The following TNS1 variants were observed in gnomAD, a reference collection of about 807,000 sequenced individuals.
TNS1 encodes the protein tensin 1, also known as tensin-1.
TNS1 carries 62 observed loss-of-function variants against 168.6 expected under a neutral mutation model. The ratio of observed to expected loss-of-function variants is 0.37; its 90% confidence interval spans 0.30 to 0.45. The LOEUF is 0.45. TNS1 is among the 20% of genes least tolerant of loss of function. The probability of loss-of-function intolerance (pLI) is 1.00; values close to 1 mark genes in which losing one functional copy is unlikely to be tolerated. For synonymous variants in TNS1, 934 were observed against 933.2 expected (o/e 1.00, Z -0.02); for missense variants, 2,240 against 2,339.4 (o/e 0.96, Z 0.88).
intron 3 of TNS1, among the ~76,000 whole-genome samples, chr2:217,946,656 G>A (rs1364001753): frequency 1.3e-5 from 2 of 152,088 alleles, no homozygotes; most frequent in African/African-American, 4.8e-5. Flanking sequence ...ATTGGGCTGG[G>A]AGACGGGGCG....
At chr2:217,845,582 C>T (rs990649200) in intron 19 of TNS1, among the ~76,000 whole-genome samples, 1 of 152,194 alleles carries the variant, frequency 6.6e-6, no homozygotes, top group African/African-American at 2.4e-5. Context: ...TGAGTCACTC[C>T]CAGTTGATGG....
chr2:218,014,190 G>A (rs1294390831), upstream of TNS1, among the ~76,000 whole-genome samples: 2 of 152,206 alleles, frequency 1.3e-5, no homozygotes, highest in African/African-American at 2.4e-5. Flanking sequence ...TCTGATCGGA[G>A]ACTCCAGCTC....
At chr2:217,884,751 C>A (rs189007780) in intron 16 of TNS1, among the ~76,000 whole-genome samples, 1 of 152,046 alleles carries the variant, frequency 6.6e-6, no homozygotes, top group East Asian at 1.9e-4. Context: ...ACTGGGAGGA[C>A]AAGATGAAGG....
In TNS1 at chr2:217,848,880, G is replaced by C. The variant is rs746714545; in HGVS notation, c.1637C>G (p.Pro546Arg). The C allele has an allele frequency of 1.2e-6, 2 of 1,614,188 alleles. No individual in the cohort carries two copies. Among genetic ancestry groups the C allele is most frequent in the East Asian group, 2.2e-5 (1 of 44,882 alleles). Residue 546 changes from proline to arginine, a missense_variant, in exon 19 of 33, where the codon CCT (proline) becomes CGT (arginine). Pro to Arg is a moderately radical substitution (Grantham distance 103). This residue lies in a region of TNS1 where 2,131 missense variants were observed against 2,171.2 expected (regional missense o/e 0.98). Coordinates refer to ENST00000682258, the MANE Select transcript of TNS1 (RefSeq NM_001387777.1). ...ASTKTDKTDE[P>R]VPGASSATAA... Reference sequence around the variant, plus strand: ...AGTGGCACTGGAGGCCCCGGGGACAGGCTCGTCGGTCTTGTCGGTCTTGGT... The same window carrying C: ...AGTGGCACTGGAGGCCCCGGGGACACGCTCGTCGGTCTTGTCGGTCTTGGT...
rs548238150 is a variant in TNS1, at chr2:217,999,634, G to A, written c.33+3206C>T. ...GCCCAGCCTACCTCCCAAACCCACAGTCAGGAGGCCCTTACAGGTCAACCA... is the reference window on the plus strand; with the variant it reads ...GCCCAGCCTACCTCCCAAACCCACAATCAGGAGGCCCTTACAGGTCAACCA... On this transcript the variant is annotated intron_variant, in intron 1 of 32. Transcript: ENST00000682258. Among the ~76,000 whole-genome samples the A allele has an allele frequency of 2.6e-5, 4 of 152,344 alleles. No individual in the cohort carries two copies. The East Asian group carries it at 7.7e-4, about 29-fold the overall frequency.
chr2:217,872,056 T>C (rs191667660), intron 18 of TNS1, among the ~76,000 whole-genome samples: 56 of 152,396 alleles, frequency 3.7e-4, no homozygotes, highest in Non-Finnish European at 4.9e-4. Context: ...GAAGACTTCG[T>C]TGGACGAAGT....
intron 2 of TNS1, among the ~76,000 whole-genome samples, chr2:217,982,897 C>A (rs1364489402): frequency 6.6e-6 from 1 of 152,162 alleles, no homozygotes; most frequent in Non-Finnish European, 1.5e-5. Flanking sequence ...TTCCTCACTT[C>A]CCTTACCCTA....
At chr2:218,007,566 T>TTG (rs1330361811), upstream of TNS1, among the ~76,000 whole-genome samples, 2 of 74,936 alleles carry the variant, frequency 2.7e-5, no homozygotes, top group Non-Finnish European at 5.3e-5. Context: ...GCTCGGGGGG[T>TTG]GGGGGGGGGG....
rs565450563 is a variant in TNS1 at position 218,030,349 on chromosome 2, C to G, written c.156+3471G>C. On this transcript the variant is annotated intron_variant, in intron 1 of 1. Coordinates refer to the TNS1 transcript ENST00000649572. The stretch of plus-strand genomic sequence containing the variant: ...TGTCACTTCCTTCACCTTCCCGGTG[C>G]AATCCCTCTGGAATCCTCACCCATC... Among the ~76,000 whole-genome samples, 3 of 152,352 alleles carry G rather than the reference C, an allele frequency of 2.0e-5. No individual in the cohort carries two copies. The South Asian group carries it at 6.2e-4, about 32-fold the overall frequency.
intron 18 of TNS1, among the ~76,000 whole-genome samples, chr2:217,869,244 G>A (rs1949554088): frequency 1.3e-5 from 2 of 152,222 alleles, no homozygotes; most frequent in African/African-American, 4.8e-5. Flanking sequence ...AGGCTCCAGG[G>A]AGGATGCCGC....
intron 1 of TNS1, among the ~76,000 whole-genome samples, chr2:218,020,095 G>A (rs1336446543): frequency 6.6e-6 from 1 of 152,066 alleles, no homozygotes; most frequent in Non-Finnish European, 1.5e-5. Context: ...AACAATAAGG[G>A]GTTCCTTTTT....
intron 21 of TNS1, among the ~76,000 whole-genome samples, chr2:217,834,052 A>T (rs978412346): frequency 6.6e-6 from 1 of 152,232 alleles, no homozygotes; most frequent in Non-Finnish European, 1.5e-5. Flanking sequence ...GAGAATTTTA[A>T]ATTATAAATG....
At position 218,027,175 on chromosome 2, in the gene TNS1, TC is replaced by T. The variant is rs1274892595; in HGVS notation, c.156+6644del. Among the ~76,000 whole-genome samples, 3 of 152,008 alleles carry T rather than the reference TC, an allele frequency of 2.0e-5. No homozygotes were observed. In the East Asian group the frequency reaches 5.8e-4, roughly 29 times the overall value. Reference sequence around the variant, plus strand: ...CCATGTGAGGACACCCACCAGCTGCTCCAGTCACCCTACACCCCCCTGTCGT... The same window carrying T: ...CCATGTGAGGACACCCACCAGCTGCTCAGTCACCCTACACCCCCCTGTCGT... On this transcript the variant is annotated intron_variant, in intron 1 of 1. Transcript: ENST00000649572.
Position 217,891,062 on chromosome 2 carries a change from G to A in TNS1, c.783-17C>T. ...TGGTCCGCACTGCAGGGAGAGACAGGTGGTCAAAAGAGGCAACTCCTGCAT... is the reference window on the plus strand; with the variant it reads ...TGGTCCGCACTGCAGGGAGAGACAGATGGTCAAAAGAGGCAACTCCTGCAT... On this transcript the variant is annotated splice_polypyrimidine_tract_variant and intron_variant, in intron 11 of 32. Transcript: ENST00000682258. 1 of 1,613,982 alleles carries A rather than the reference G, an allele frequency of 6.2e-7. No individual in the cohort carries two copies. Among genetic ancestry groups the A allele is most frequent in the Non-Finnish European group, 8.5e-7 (1 of 1,179,936 alleles).
intron 18 of TNS1, among the ~76,000 whole-genome samples, chr2:217,869,630 C>T: frequency 6.6e-6 from 1 of 152,208 alleles, no homozygotes; most frequent in Admixed American, 6.5e-5. Context: ...CAGCCCTCAG[C>T]CAGCCAAGTC....
rs143250363 is a variant in TNS1, at chr2:217,849,259, C to A, written c.1430-172G>T. On this transcript the variant is annotated intron_variant, in intron 18 of 32. Transcript: ENST00000682258. Reference sequence around the variant, plus strand: ...AGGGGAGCTGACAGAAAGACCTCTACCCCAGGCTTTGGGGCAGAGCCTCAC... The same window carrying A: ...AGGGGAGCTGACAGAAAGACCTCTAACCCAGGCTTTGGGGCAGAGCCTCAC... Among the ~76,000 whole-genome samples the A allele has an allele frequency of 1.5e-3, 235 of 152,306 alleles. 5 individuals are homozygous for A. Among genetic ancestry groups the A allele is most frequent in the Admixed American group, 0.014 (208 of 15,294 alleles).
In TNS1 at chr2:217,818,145, A is replaced by G. The variant is rs766905890; in HGVS notation, c.4187T>C (p.Ile1396Thr). The G allele has an allele frequency of 6.2e-6, 10 of 1,613,562 alleles. No individual in the cohort carries two copies. The highest frequency in any genetic ancestry group is 5.3e-5 in the African/African-American group (4 of 74,812). Residue 1396 changes from isoleucine (I) to threonine (T), a missense_variant, in exon 24 of 33, where the codon ATA becomes ACA. By Grantham distance (89) the Ile-to-Thr change is moderately conservative (BLOSUM62 -1). Coordinates refer to ENST00000682258, the MANE Select transcript of TNS1 (RefSeq NM_001387777.1). ...NLASGLHSNA[I>T]ASPGSPSLGR... ...CAGGCTGGGGCTTCCAGGGCTGGCT[A>G]TTGCATTGCTATGAAGACCGGAGGC...
chr2:217,826,388 A>C (rs1440029154), intron 22 of TNS1, among the ~76,000 whole-genome samples: 3 of 151,944 alleles, frequency 2.0e-5, no homozygotes, highest in African/African-American at 7.3e-5. Context: ...CTCCCACCCC[A>C]GGACAATATA....
intron 30 of TNS1, 94 bp downstream of exon 30, chr2:217,809,729 G>T: frequency 7.5e-7 from 1 of 1,338,034 alleles, no homozygotes. Context: ...TTGGGTGCAA[G>T]GAATCAATCA....
Sources: gnomAD v4.1 joint callset for allele counts (sites outside exome capture counted in the v4.1 genomes callset) on GRCh38, gnomAD v4.1.1 for gene constraint, gnomAD v4.1.1 regional missense constraint, MANE v1.5 for transcripts, NCBI Gene and HGNC (gene_info 2026-07-23, HGNC 2026-07-21) for gene names.